HCN1: variants seen among roughly 807,000 people sequenced by gnomAD.
HCN1 encodes the protein potassium/sodium hyperpolarization-activated cyclic nucleotide-gated channel 1.
HCN1 carries 13 observed loss-of-function variants against 78.9 expected under a neutral mutation model. The ratio of observed to expected loss-of-function variants is 0.16; its 90% CI spans 0.11 to 0.26. HCN1 has a LOEUF of 0.26. Ranked by LOEUF, HCN1 falls within the 10% of genes least tolerant of loss-of-function variation. The pLI, the probability that HCN1 is intolerant of heterozygous loss-of-function variation, is 1.00. For missense variants in HCN1, 810 were observed against 1,154.3 expected, an observed-to-expected ratio of 0.70 and a Z score of 4.32; for synonymous variants, 552 against 455.5, an observed-to-expected ratio of 1.21 and a Z score of -2.70.
At chr5:45,504,719 G>A (rs1266083022) in intron 2 of HCN1, among the ~76,000 whole-genome samples, 2 of 152,178 alleles carry the variant, frequency 1.3e-5, no homozygotes, top group Non-Finnish European at 1.5e-5. Flanking sequence ...CCCACCAACA[G>A]TGTAAAAGTG....
chr5:45,483,625 T>C (rs1741699205), intron 2 of HCN1, among the ~76,000 whole-genome samples: 1 of 152,184 alleles, frequency 6.6e-6, no homozygotes, highest in African/African-American at 2.4e-5. Flanking sequence ...TTTAGTTTAA[T>C]TAGGTCCCAC....
chr5:45,470,674 A>G (rs942963683), intron 2 of HCN1, among the ~76,000 whole-genome samples: 5 of 151,972 alleles, frequency 3.3e-5, no homozygotes, highest in African/African-American at 1.2e-4. Context: ...ATGTGGAAGC[A>G]TCCTTAAAAG....
chr5:45,261,730 T>A lies in HCN1; in HGVS notation c.*191A>T. 1.8e-6 allele frequency: 1 copy of A among 561,346 alleles called. No individual in the cohort carries two copies. The highest frequency in any genetic ancestry group is 3.0e-6 in the Non-Finnish European group (1 of 333,812). The allele number at this position is 561,346 out of a possible 1,614,324, so 34.8% of individuals were successfully genotyped here. On this transcript the variant is annotated 3_prime_UTR_variant, in exon 8 of 8. Transcript: ENST00000303230. ...ATGCTAAACAGGTCTTTTGACCCTC[T>A]CTTGGGAATTTAGATATATATTTTA...
chr5:45,476,860 T>C (rs1043985218), intron 2 of HCN1, among the ~76,000 whole-genome samples: 5 of 152,164 alleles, frequency 3.3e-5, no homozygotes, highest in African/African-American at 1.2e-4. Flanking sequence ...ACAAAATTAA[T>C]TAATATATTG....
chr5:45,415,032 T>C (rs776885040), intron 3 of HCN1, among the ~76,000 whole-genome samples: 1 of 152,054 alleles, frequency 6.6e-6, no homozygotes, highest in Non-Finnish European at 1.5e-5. Flanking sequence ...CATCCTGTCA[T>C]ATCTTGTAAG....
intron 4 of HCN1, among the ~76,000 whole-genome samples, chr5:45,392,959 C>CTGGCTTGG (rs1739613501): frequency 6.6e-6 from 1 of 152,050 alleles, no homozygotes; most frequent in Non-Finnish European, 1.5e-5. Flanking sequence ...AGGTATAGAA[C>CTGGCTTGG]TGGCTTGGTG....
At chr5:45,489,225 T>C (rs1741831194) in intron 2 of HCN1, among the ~76,000 whole-genome samples, 1 of 152,152 alleles carries the variant, frequency 6.6e-6, no homozygotes, top group Non-Finnish European at 1.5e-5. Flanking sequence ...AATGCAAAGT[T>C]TTGTTGCATT....
chr5:45,647,394 C>T (rs563706992), intron 1 of HCN1, among the ~76,000 whole-genome samples: 2 of 152,136 alleles, frequency 1.3e-5, no homozygotes, highest in East Asian at 3.9e-4. Context: ...ACTGTGTGTA[C>T]CCTGAGGATT....
chr5:45,456,160 T>C lies in HCN1; in HGVS notation c.1011+5686A>G, dbSNP rs1249545215. On this transcript the variant is annotated intron_variant, in intron 3 of 7. Coordinates refer to ENST00000303230, the MANE Select transcript of HCN1 (RefSeq NM_021072.4). The stretch of plus-strand genomic sequence containing the variant: ...GATATGTAGAGAATTAGAGGCTTAT[T>C]AATTTTGACTTCAGCAATTTAGAGT... Among the ~76,000 whole-genome samples the C allele has an allele frequency of 2.0e-5, 3 of 152,036 alleles. No homozygotes were observed. In the East Asian group the frequency reaches 5.8e-4, roughly 29 times the overall value.
intron 2 of HCN1, among the ~76,000 whole-genome samples, chr5:45,569,611 A>C (rs895817569): frequency 1.3e-5 from 2 of 152,024 alleles, no homozygotes; most frequent in Non-Finnish European, 1.5e-5. Flanking sequence ...AGAAATAAAA[A>C]CTGCTCACTA....
intron 3 of HCN1, among the ~76,000 whole-genome samples, chr5:45,433,472 C>T (rs1317977702): frequency 6.6e-6 from 1 of 151,760 alleles, no homozygotes; most frequent in Non-Finnish European, 1.5e-5. Context: ...GGTATCGCTG[C>T]ACACGAGATG....
chr5:45,569,073 A>C (rs1250315503), intron 2 of HCN1, among the ~76,000 whole-genome samples: 1 of 152,082 alleles, frequency 6.6e-6, no homozygotes. Context: ...GAGGGAAGAA[A>C]TGTCACATAC....
intron 6 of HCN1, among the ~76,000 whole-genome samples, chr5:45,280,538 C>T (rs1420409376): frequency 6.6e-6 from 1 of 152,088 alleles, no homozygotes; most frequent in Non-Finnish European, 1.5e-5. Flanking sequence ...ATCTCCCTGG[C>T]CTCAATCTAC....
At chr5:45,492,171 A>T (rs948677131) in intron 2 of HCN1, among the ~76,000 whole-genome samples, 5 of 151,900 alleles carry the variant, frequency 3.3e-5, no homozygotes, top group Admixed American at 1.3e-4. Context: ...CCAGCATTTT[A>T]CTACAAATCA....
intron 4 of HCN1, among the ~76,000 whole-genome samples, chr5:45,376,292 T>TATTCTATATTCCATATAG (rs1747670570): frequency 4.4e-4 from 1 of 2,288 alleles, no homozygotes; most frequent in Non-Finnish European, 1.1e-3. Flanking sequence ...TATAGATATA[T>TATTCTATATTCCATATAG]ATTGTATTAT....
At position 45,696,108 on chromosome 5, in the gene HCN1, G is replaced by A. The variant is rs1370560947; in HGVS notation, c.-15C>T. 1.5e-6 allele frequency: 2 copies of A among 1,325,068 alleles called. No homozygotes were observed. The highest frequency in any genetic ancestry group is 1.5e-5 in the African/African-American group (1 of 64,584). The allele number at this position is 1,325,068 out of a possible 1,614,324, so 82.1% of individuals were successfully genotyped here. On this transcript the variant is annotated 5_prime_UTR_variant, in exon 1 of 8. Transcript: ENST00000303230. Reference sequence around the variant, plus strand: ...CCTCCTTCCATGCCCGGAGGACGCGGCCGGCGACGGCGCGGGCTCCAGACT... The same window carrying A: ...CCTCCTTCCATGCCCGGAGGACGCGACCGGCGACGGCGCGGGCTCCAGACT...
intron 2 of HCN1, among the ~76,000 whole-genome samples, chr5:45,585,944 T>C (rs1221499436): frequency 6.6e-6 from 1 of 152,152 alleles, no homozygotes; most frequent in African/African-American, 2.4e-5. Context: ...TACTGGTGGG[T>C]GCCTCCCAGT....
chr5:45,381,589 G>A (rs562247010), intron 4 of HCN1, among the ~76,000 whole-genome samples: 3 of 152,052 alleles, frequency 2.0e-5, no homozygotes, highest in Non-Finnish European at 4.4e-5. Context: ...GGCTAGGTCC[G>A]ATGTTACCTT....
chr5:45,573,817 A>C (rs567024798), intron 2 of HCN1, among the ~76,000 whole-genome samples: 36 of 152,280 alleles, frequency 2.4e-4, no homozygotes, highest in African/African-American at 8.2e-4. Flanking sequence ...TTTCTGAAAA[A>C]AAGTATTTAC....
Sources: allele counts gnomAD v4.1 joint callset (sites outside exome capture counted in the v4.1 genomes callset), GRCh38; gene constraint gnomAD v4.1.1; transcripts MANE v1.5; gene names NCBI Gene and HGNC (gene_info 2026-07-23, HGNC 2026-07-21).